NKAIN1: variants seen among roughly 807,000 people sequenced by gnomAD.
NKAIN1 encodes the protein sodium/potassium transporting ATPase interacting 1, also known as sodium/potassium-transporting ATPase subunit beta-1-interacting protein 1.
In NKAIN1, 13 loss-of-function variants were observed where a neutral mutation model predicts 31.6. The ratio of observed to expected loss-of-function variants is 0.41; its 90% CI spans 0.27 to 0.65. The LOEUF (loss-of-function observed/expected upper bound fraction) is 0.65, where lower values mean the gene tolerates loss of function less well. NKAIN1 is among the 30% of genes least tolerant of loss of function. The probability of loss-of-function intolerance (pLI) is 0.30; values close to 1 mark genes in which losing one functional copy is unlikely to be tolerated. For missense variants in NKAIN1, 193 were observed against 262.2 expected (o/e 0.74, Z 1.82); for synonymous variants, 104 against 109.0 (o/e 0.95, Z 0.28).
chr1:31,207,346 C>G (rs552029251), intron 1 of NKAIN1, among the ~76,000 whole-genome samples: 1 of 152,156 alleles, frequency 6.6e-6, no homozygotes, highest in African/African-American at 2.4e-5. Context: ...CCATTTCAAG[C>G]GAATGTTGTG....
chr1:31,224,264 T>C (rs1028965331), intron 1 of NKAIN1, among the ~76,000 whole-genome samples: 3 of 152,298 alleles, frequency 2.0e-5, no homozygotes, highest in Non-Finnish European at 2.9e-5. Context: ...TCCAGGCAGT[T>C]TCTCTGGAGC....
rs3046278 is a variant in NKAIN1, at chr1:31,183,436, C to CTTTTTTTTTTTTTTTT, written c.471+365_471+380dup. Among the ~76,000 whole-genome samples, 17 of 106,720 alleles carry CTTTTTTTTTTTTTTTT rather than the reference C, an allele frequency of 1.6e-4. 2 individuals carry two copies. The highest frequency in any genetic ancestry group is 8.9e-4 in the African/African-American group (16 of 17,880). 70.0% of individuals were successfully genotyped at this position (106,720 alleles called of 152,430 possible). ...GGCGGAAGACCTAGGTTCATTCCCTCTTTTTTTTTTTTTTTTTTTTTTTTT... is the reference window on the plus strand; with the variant it reads ...GGCGGAAGACCTAGGTTCATTCCCTCTTTTTTTTTTTTTTTTTTTTTTTTTTTTTTTTTTTTTTTTT... On this transcript the variant is annotated intron_variant, in intron 4 of 6. Transcript: ENST00000373736.
chr1:31,231,798 G>A (rs546042354), intron 1 of NKAIN1, among the ~76,000 whole-genome samples: 8 of 152,322 alleles, frequency 5.3e-5, no homozygotes, highest in South Asian at 4.1e-4. Flanking sequence ...CCAAAGTGCC[G>A]GGATTACAAG....
At chr1:31,213,653 C>T (rs1645487616) in intron 1 of NKAIN1, among the ~76,000 whole-genome samples, 1 of 152,076 alleles carries the variant, frequency 6.6e-6, no homozygotes, top group Admixed American at 6.5e-5. Flanking sequence ...TCATGGCAGC[C>T]AAAAAGTGGA....
At chr1:31,228,371 C>T (rs1569583374) in intron 1 of NKAIN1, among the ~76,000 whole-genome samples, 2 of 152,258 alleles carry the variant, frequency 1.3e-5, no homozygotes, top group East Asian at 3.9e-4. Flanking sequence ...ATTTCCATTT[C>T]CCCTACTGCC....
At chr1:31,183,237 G>A (rs940204463) in intron 4 of NKAIN1, among the ~76,000 whole-genome samples, 1 of 152,036 alleles carries the variant, frequency 6.6e-6, no homozygotes, top group African/African-American at 2.4e-5. Context: ...CGAGAAGGCA[G>A]GTGACTTGTC....
rs188651609 is a variant in NKAIN1 at position 31,195,954 on chromosome 1, A to G, written c.55-7767T>C. ...GCTGATATCAGCCTTATCTATCTCA[A>G]CACTCTCACCCCCAAAACTACATAA... On this transcript the variant is annotated intron_variant, in intron 1 of 6. Transcript: ENST00000373736. Among the ~76,000 whole-genome samples, 7 of 151,542 alleles carry G rather than the reference A, an allele frequency of 4.6e-5. No individual in the cohort carries two copies. In the East Asian group the frequency reaches 1.2e-3, roughly 25 times the overall value.
chr1:31,204,482 G>A (rs1645408176), intron 1 of NKAIN1, among the ~76,000 whole-genome samples: 1 of 152,084 alleles, frequency 6.6e-6, no homozygotes, highest in South Asian at 2.1e-4. Context: ...GGCATCCCCA[G>A]TCCCATCTCC....
At chr1:31,212,654 C>T (rs1369477439) in intron 1 of NKAIN1, among the ~76,000 whole-genome samples, 20 of 152,024 alleles carry the variant, frequency 1.3e-4, no homozygotes, top group African/African-American at 4.8e-4. Flanking sequence ...ATCTGCCTGC[C>T]TTGGCCTCCC....
intron 1 of NKAIN1, among the ~76,000 whole-genome samples, chr1:31,192,028 G>A (rs1489460243): frequency 6.6e-6 from 1 of 152,118 alleles, no homozygotes; most frequent in Non-Finnish European, 1.5e-5. Flanking sequence ...TTCCTGCCTT[G>A]GCCTCCCAAA....
intron 1 of NKAIN1, among the ~76,000 whole-genome samples, chr1:31,194,874 C>T (rs112320397): frequency 0.038 from 5,543 of 145,340 alleles, 193 homozygotes; most frequent in African/African-American, 0.091. Flanking sequence ...CAGGTTCAAG[C>T]GATTCTCCTG....
chr1:31,184,724 T>G (rs1645228966), intron 3 of NKAIN1, among the ~76,000 whole-genome samples: 1 of 152,198 alleles, frequency 6.6e-6, no homozygotes, highest in African/African-American at 2.4e-5. Context: ...CTCTTTTATA[T>G]CTAAAAATAG....
chr1:31,231,862 A>G (rs1645652337), intron 1 of NKAIN1, among the ~76,000 whole-genome samples: 1 of 151,028 alleles, frequency 6.6e-6, no homozygotes, highest in Admixed American at 6.6e-5. Context: ...GCTCACACAA[A>G]TAAGTAAGAA....
intron 3 of NKAIN1, 119 bp from the exon 4 acceptor site, chr1:31,184,133 TC>T: frequency 1.2e-6 from 1 of 823,802 alleles, no homozygotes. Context: ...CACCTGCAAG[TC>T]CATATTTGAC....
intron 1 of NKAIN1, among the ~76,000 whole-genome samples, chr1:31,216,274 A>G (rs192763560): frequency 1.3e-5 from 2 of 152,146 alleles, no homozygotes; most frequent in Admixed American, 1.3e-4. Flanking sequence ...GAGGGCAAGG[A>G]AGGCCTGGTT....
chr1:31,209,570 A>G (rs1331580415), intron 1 of NKAIN1, among the ~76,000 whole-genome samples: 1 of 151,898 alleles, frequency 6.6e-6, no homozygotes, highest in Non-Finnish European at 1.5e-5. Context: ...TGTAATCCCA[A>G]TGTTTTAGGA....
intron 1 of NKAIN1, among the ~76,000 whole-genome samples, chr1:31,236,083 T>C (rs921606308): frequency 2.6e-5 from 4 of 152,214 alleles, no homozygotes; most frequent in Non-Finnish European, 5.9e-5. Flanking sequence ...GGAACTGTTT[T>C]ATATTCTCTC....
At chr1:31,196,601 C>T (rs1235331718) in intron 1 of NKAIN1, among the ~76,000 whole-genome samples, 2 of 151,156 alleles carry the variant, frequency 1.3e-5, no homozygotes, top group East Asian at 1.9e-4. Flanking sequence ...GCAGGAGAAT[C>T]ACTTGAATCA....
chr1:31,226,905 C>T (rs1031025813), intron 1 of NKAIN1, among the ~76,000 whole-genome samples: 8 of 151,986 alleles, frequency 5.3e-5, no homozygotes, highest in African/African-American at 1.9e-4. Flanking sequence ...CTCACTGCAA[C>T]CTCTGCCTCT....
Sources: gnomAD v4.1 joint callset for allele counts (sites outside exome capture counted in the v4.1 genomes callset) on GRCh38, gnomAD v4.1.1 for gene constraint, MANE v1.5 for transcripts, NCBI Gene and HGNC (gene_info 2026-07-23, HGNC 2026-07-21) for gene names.